ERI1: variants seen among roughly 807,000 people sequenced by gnomAD.
The protein encoded by ERI1 is 3'-5' exoribonuclease 1.
In ERI1, 39 loss-of-function variants were observed where a neutral mutation model predicts 39.7. The observed-to-expected ratio is 0.98, with a 90% CI of 0.76 to 1.28. The LOEUF is 1.28. ERI1 is among the 50% of genes most tolerant of loss of function. The pLI is 0.00. For missense variants in ERI1, 581 were observed against 416.9 expected, an observed-to-expected ratio of 1.39 and a Z score of -3.43; for synonymous variants, 204 against 149.6, an observed-to-expected ratio of 1.36 and a Z score of -2.65.
intron 2 of ERI1, chr8:9,009,027 T>C (rs753913917): frequency 2.8e-5 from 13 of 456,204 alleles, no homozygotes; most frequent in South Asian, 6.2e-5. Flanking sequence ...CTTTCTGTTA[T>C]GAAGGTACAA....
chr8:9,076,329 G>A (rs571902164), intron 3 of ERI1, among the ~76,000 whole-genome samples: 1 of 152,288 alleles, frequency 6.6e-6, no homozygotes, highest in East Asian at 1.9e-4. Context: ...AGAAGAGAGG[G>A]TATAAATTAC....
intron 3 of ERI1, among the ~76,000 whole-genome samples, chr8:9,074,760 A>C (rs1381556453): frequency 6.6e-6 from 1 of 152,194 alleles, no homozygotes; most frequent in South Asian, 2.1e-4. Context: ...TTGTGCCTGC[A>C]TTTATATGGG....
chr8:9,057,351 C>T (rs967833621), intron 3 of ERI1, among the ~76,000 whole-genome samples: 10 of 152,192 alleles, frequency 6.6e-5, no homozygotes, highest in African/African-American at 2.4e-4. Flanking sequence ...AGGTGCTTTG[C>T]CCAACTCTGG....
chr8:9,092,821 A>G (rs1251736709), intron 3 of ERI1, among the ~76,000 whole-genome samples: 1 of 152,198 alleles, frequency 6.6e-6, no homozygotes, highest in Non-Finnish European at 1.5e-5. Context: ...TAGGTCCCAG[A>G]ATTGTATTGG....
At chr8:9,035,387 GGTTTAA>G (rs1797810413), downstream of ERI1, among the ~76,000 whole-genome samples, 1 of 152,162 alleles carries the variant, frequency 6.6e-6, no homozygotes, top group African/African-American at 2.4e-5. Context: ...TAATGTAGCT[GGTTTAA>G]GTTGAAGTCA....
At chr8:9,054,903 G>A (rs1163464970) in intron 3 of ERI1, among the ~76,000 whole-genome samples, 1 of 152,182 alleles carries the variant, frequency 6.6e-6, no homozygotes, top group African/African-American at 2.4e-5. Flanking sequence ...ACTCCAGCCT[G>A]GGTGACAAAG....
intron 3 of ERI1, among the ~76,000 whole-genome samples, chr8:9,015,445 G>C (rs1316626466): frequency 6.6e-6 from 1 of 152,116 alleles, no homozygotes; most frequent in East Asian, 1.9e-4. Context: ...AGAGATCGGA[G>C]CCTGATAACA....
chr8:9,012,537 G>T (rs1360586869), intron 3 of ERI1, among the ~76,000 whole-genome samples: 1 of 152,134 alleles, frequency 6.6e-6, no homozygotes, highest in Non-Finnish European at 1.5e-5. Flanking sequence ...ATCTCTTTTA[G>T]TTATAGTCTT....
chr8:9,080,288 A>C (rs1799329897), intron 3 of ERI1, among the ~76,000 whole-genome samples: 1 of 152,186 alleles, frequency 6.6e-6, no homozygotes, highest in Non-Finnish European at 1.5e-5. Context: ...TATTTTCTCA[A>C]CTGTATAACC....
intron 3 of ERI1, among the ~76,000 whole-genome samples, chr8:9,070,563 G>C (rs539487226): frequency 6.6e-6 from 1 of 152,280 alleles, no homozygotes; most frequent in Admixed American, 6.5e-5. Flanking sequence ...TACTAGTATG[G>C]AACAGAAAGG....
chr8:9,028,839 G>A (rs1268750590), intron 6 of ERI1, among the ~76,000 whole-genome samples: 3 of 151,972 alleles, frequency 2.0e-5, no homozygotes, highest in Non-Finnish European at 4.4e-5. Flanking sequence ...GGCCAGGCTG[G>A]TCTTGAACTC....
rs2288669 is a variant in ERI1 at position 9,003,538 on chromosome 8, G to T, written c.108+367G>T. Among the ~76,000 whole-genome samples, 3 of 152,148 alleles carry T rather than the reference G, an allele frequency of 2.0e-5. No homozygotes were observed. The South Asian group carries it at 6.2e-4, about 32-fold the overall frequency. On this transcript the variant is annotated intron_variant, in intron 1 of 6. Coordinates refer to ENST00000250263, the MANE Select transcript of ERI1 (RefSeq NM_153332.4). ...ATGTTTTTAAAATCTCACCATATAC[G>T]CTAGGTATGTCACTTCATGCCTGTT... is the stretch of plus-strand genomic sequence containing the variant.
intron 3 of ERI1, among the ~76,000 whole-genome samples, chr8:9,092,027 G>T (rs924069388): frequency 6.6e-6 from 1 of 152,158 alleles, no homozygotes; most frequent in Admixed American, 6.5e-5. Flanking sequence ...TGCAATCTCG[G>T]CTCACTGCAA....
chr8:9,030,052 G>T lies in ERI1; in HGVS notation c.*18G>T. The T allele has an allele frequency of 6.2e-7, 1 of 1,610,300 alleles. No individual in the cohort carries two copies. Among genetic ancestry groups the T allele is most frequent in the Non-Finnish European group, 8.5e-7 (1 of 1,176,846 alleles). On this transcript the variant is annotated 3_prime_UTR_variant, in exon 7 of 7. Transcript: ENST00000250263. ...GAAAGTAACAACAGTTTTGTGTGTG[G>T]ATCATTCCAATTGAAGTTGCTATGA...
chr8:9,063,723 A>T (rs906901739), intron 3 of ERI1, among the ~76,000 whole-genome samples: 5 of 152,204 alleles, frequency 3.3e-5, no homozygotes, highest in African/African-American at 9.7e-5. Context: ...CCCATTTTAC[A>T]ACAAGAATTA....
chr8:9,079,134 A>G (rs1262538459), intron 3 of ERI1, among the ~76,000 whole-genome samples: 1 of 152,210 alleles, frequency 6.6e-6, no homozygotes, highest in Non-Finnish European at 1.5e-5. Context: ...AAGATTTATT[A>G]GGGAATTTTA....
chr8:9,029,709 G>C (rs538184070), intron 6 of ERI1, 83 bp from the exon 7 acceptor site: 10 of 1,520,212 alleles, frequency 6.6e-6, no homozygotes, highest in East Asian at 4.5e-5. Context: ...CTAATTTTCA[G>C]TTTCTTATTT....
rs80097518 is a variant in ERI1 at position 9,090,072 on chromosome 8, C to T, written n.300-26276C>T. Among the ~76,000 whole-genome samples, 50 of 152,290 alleles carry T rather than the reference C, an allele frequency of 3.3e-4. No homozygotes were observed. In the East Asian group the frequency reaches 8.7e-3, roughly 26 times the overall value. ...CATTGTGCCATGTTTCCAATCTGCA[C>T]GTGTGCGGATGTGCAACCGGGAGAC... On this transcript the variant is annotated intron_variant and non_coding_transcript_variant, in intron 3 of 3. Transcript: ENST00000518663.
Position 9,020,418 on chromosome 8 carries a change from C to T in ERI1, c.761C>T (p.Ala254Val), listed in dbSNP as rs915605948. The change falls in exon 6 of 7, where the codon GCG becomes GTG. Residue 254 changes from alanine to valine, a missense_variant. Coordinates refer to ENST00000250263, the MANE Select transcript of ERI1 (RefSeq NM_153332.4). ...QLSRLKYPPF[A>V]KKWINIRKSY... ...AGCAGGCTCAAATACCCTCCTTTTGCGAAAAAGTGGATCAATATTCGGAAG... is the reference window on the plus strand; with the variant it reads ...AGCAGGCTCAAATACCCTCCTTTTGTGAAAAAGTGGATCAATATTCGGAAG... The T allele has an allele frequency of 6.9e-6, 11 of 1,605,410 alleles. No individual in the cohort carries two copies. Among genetic ancestry groups the T allele is most frequent in the South Asian group, 1.1e-5 (1 of 89,008 alleles).
Sources: allele counts gnomAD v4.1 joint callset (sites outside exome capture counted in the v4.1 genomes callset), GRCh38; gene constraint gnomAD v4.1.1; transcripts MANE v1.5; gene names NCBI Gene and HGNC (gene_info 2026-07-23, HGNC 2026-07-21).